The following PRICKLE2 variants were observed in gnomAD, a reference collection of about 807,000 sequenced individuals.
PRICKLE2 encodes the protein prickle planar cell polarity protein 2, also known as prickle-like protein 2.
In PRICKLE2, 21 loss-of-function variants were observed where a neutral mutation model predicts 81.4. The observed-to-expected ratio is 0.26, with a 90% CI of 0.18 to 0.37. PRICKLE2 has a LOEUF of 0.37. Among genes scored for constraint, PRICKLE2 ranks in the 10% least tolerant of loss-of-function variants. PRICKLE2 has a pLI of 1.00. For missense variants in PRICKLE2, 940 were observed against 1,109.0 expected, an observed-to-expected ratio of 0.85 and a Z score of 2.16; for synonymous variants, 456 against 421.5, an observed-to-expected ratio of 1.08 and a Z score of -1.00.
At chr3:64,203,395 G>A (rs2078624882) in intron 1 of PRICKLE2, among the ~76,000 whole-genome samples, 1 of 152,278 alleles carries the variant, frequency 6.6e-6, no homozygotes, top group East Asian at 1.9e-4. Flanking sequence ...AAGTTTCAAT[G>A]TGTTTAAGTA....
At chr3:64,254,124 C>T (rs1239670456) in intron 2 of PRICKLE2, among the ~76,000 whole-genome samples, 2 of 152,208 alleles carry the variant, frequency 1.3e-5, no homozygotes, top group African/African-American at 4.8e-5. Context: ...CCACAGCAAG[C>T]ACAGTGAAAA....
At chr3:64,165,847 T>C (rs2077819887) in intron 2 of PRICKLE2, among the ~76,000 whole-genome samples, 1 of 151,882 alleles carries the variant, frequency 6.6e-6, no homozygotes, top group African/African-American at 2.4e-5. Context: ...GCTTGTAGAG[T>C]GAGACCAAAC....
upstream of PRICKLE2, among the ~76,000 whole-genome samples, chr3:64,228,421 G>A (rs1374568430): frequency 6.6e-6 from 1 of 152,166 alleles, no homozygotes; most frequent in East Asian, 1.9e-4. Flanking sequence ...GCTTGGTGAT[G>A]AGGAAGCTGG....
intron 2 of PRICKLE2, among the ~76,000 whole-genome samples, chr3:64,176,498 C>A (rs1031013424): frequency 6.6e-6 from 1 of 152,102 alleles, no homozygotes; most frequent in African/African-American, 2.4e-5. Context: ...AAAGCAAAGA[C>A]AGAAGGAAAT....
chr3:64,251,273 G>A (rs2079443505), intron 2 of PRICKLE2, among the ~76,000 whole-genome samples: 1 of 152,178 alleles, frequency 6.6e-6, no homozygotes, highest in Non-Finnish European at 1.5e-5. Context: ...GGTAGTCCCT[G>A]CTCCACGCAA....
chr3:64,133,436 A>G (rs920241913), intron 7 of PRICKLE2, among the ~76,000 whole-genome samples: 12 of 152,196 alleles, frequency 7.9e-5, no homozygotes, highest in Admixed American at 6.5e-4. Flanking sequence ...TAATGATCTC[A>G]GTGGAAAACT....
At chr3:64,262,916 G>A (rs1203911753) in intron 2 of PRICKLE2, among the ~76,000 whole-genome samples, 2 of 152,168 alleles carry the variant, frequency 1.3e-5, no homozygotes, top group African/African-American at 4.8e-5. Context: ...TGGAGCCACC[G>A]TTTTGAAGTT....
intron 2 of PRICKLE2, among the ~76,000 whole-genome samples, chr3:64,177,922 G>C (rs563037246): frequency 6.6e-5 from 10 of 152,256 alleles, no homozygotes; most frequent in African/African-American, 2.4e-4. Context: ...ATATACCTAG[G>C]AGTGGAATTA....
chr3:64,188,852 A>C (rs891169443), intron 2 of PRICKLE2, among the ~76,000 whole-genome samples: 1 of 152,216 alleles, frequency 6.6e-6, no homozygotes, highest in Non-Finnish European at 1.5e-5. Flanking sequence ...CATGAAGCCT[A>C]TATTTACTAT....
chr3:64,093,218 G>A lies in PRICKLE2; in HGVS notation c.*5833C>T, dbSNP rs1209292609. ...CAGAATTTCCTTCCGTTTTAAGGCT[G>A]AATAATATTCCATTGTATGTATACA... On this transcript the variant is annotated 3_prime_UTR_variant, in exon 8 of 8. Coordinates refer to ENST00000638394, the MANE Select transcript of PRICKLE2 (RefSeq NM_198859.4). 6.2e-6 allele frequency: 1 copy of A among 160,142 alleles called. No homozygotes were observed. The highest frequency in any genetic ancestry group is 2.4e-5 in the African/African-American group (1 of 41,682). 9.9% of individuals were successfully genotyped at this position (160,142 alleles called of 1,614,324 possible).
chr3:64,128,519 G>A (rs988004535), intron 7 of PRICKLE2, among the ~76,000 whole-genome samples: 14 of 152,058 alleles, frequency 9.2e-5, no homozygotes, highest in African/African-American at 3.4e-4. Context: ...AGCTCACAGC[G>A]GGCGGATCAC....
At chr3:64,185,401 G>C (rs1275933033) in intron 2 of PRICKLE2, among the ~76,000 whole-genome samples, 1 of 152,200 alleles carries the variant, frequency 6.6e-6, no homozygotes, top group Non-Finnish European at 1.5e-5. Context: ...TCTGATAAAA[G>C]TAATGGCAAA....
At chr3:64,200,597 C>A (rs564718201) in intron 1 of PRICKLE2, 1 of 151,468 alleles carries the variant, frequency 6.6e-6, no homozygotes, top group South Asian at 2.1e-4. Flanking sequence ...TGGGACCACA[C>A]AGGGGCATGC....
chr3:64,137,305 A>T (rs2077292642), intron 7 of PRICKLE2, among the ~76,000 whole-genome samples: 1 of 152,024 alleles, frequency 6.6e-6, no homozygotes, highest in Admixed American at 6.6e-5. Flanking sequence ...ACACATTCTT[A>T]AAAAAAATCA....
At chr3:64,251,212 G>A (rs2079442770) in intron 2 of PRICKLE2, among the ~76,000 whole-genome samples, 1 of 152,186 alleles carries the variant, frequency 6.6e-6, no homozygotes, top group African/African-American at 2.4e-5. Flanking sequence ...AGCAATATAA[G>A]GCTTAGGAAT....
intron 1 of PRICKLE2, among the ~76,000 whole-genome samples, chr3:64,202,865 C>T (rs914207252): frequency 6.6e-6 from 1 of 152,064 alleles, no homozygotes; most frequent in African/African-American, 2.4e-5. Flanking sequence ...GGGAAAGCAC[C>T]AGTCTTTCAG....
chr3:64,226,332 A>G (rs1016884130), upstream of PRICKLE2, among the ~76,000 whole-genome samples: 9 of 152,190 alleles, frequency 5.9e-5, no homozygotes, highest in African/African-American at 1.9e-4. Context: ...CTAACCAAGC[A>G]ATCTGGAAGA....
At chr3:64,142,893 G>A (rs923187902) in intron 7 of PRICKLE2, among the ~76,000 whole-genome samples, 1 of 152,172 alleles carries the variant, frequency 6.6e-6, no homozygotes, top group South Asian at 2.1e-4. Context: ...CATGGATGAG[G>A]AAATTGAGTT....
At chr3:64,259,925 T>C (rs1415273025) in intron 2 of PRICKLE2, among the ~76,000 whole-genome samples, 1 of 152,080 alleles carries the variant, frequency 6.6e-6, no homozygotes. Flanking sequence ...GCCACCAAGA[T>C]TGTGGTAATT....
Sources: gnomAD v4.1 joint callset for allele counts (sites outside exome capture counted in the v4.1 genomes callset) on GRCh38, gnomAD v4.1.1 for gene constraint, MANE v1.5 for transcripts, NCBI Gene and HGNC (gene_info 2026-07-23, HGNC 2026-07-21) for gene names.